The following IGFL4 variants were observed in gnomAD, a reference collection of about 807,000 sequenced individuals.
IGFL4 encodes IGF like family member 4.
Under a neutral mutation model 15.4 loss-of-function variants are expected in IGFL4, and 12 were observed. The ratio of observed to expected loss-of-function variants is 0.78; its 90% CI spans 0.50 to 1.26. The LOEUF is 1.26. IGFL4 is among the 50% of genes most tolerant of loss of function. The pLI is 0.00. For synonymous variants in IGFL4, 54 were observed against 55.9 expected (o/e 0.97, Z 0.16); for missense variants, 126 against 147.8 (o/e 0.85, Z 0.76).
In IGFL4 at chr19:46,040,394, C is replaced by A. The variant is rs760934705; in HGVS notation, c.93G>T (p.Gln31His). 1 of 1,614,206 alleles carries A rather than the reference C, an allele frequency of 6.2e-7. No individual in the cohort carries two copies. Among genetic ancestry groups the A allele is most frequent in the Non-Finnish European group, 8.5e-7 (1 of 1,180,034 alleles). The change falls in exon 3 of 4, where the codon CAG (glutamine) becomes CAT (histidine). Residue 31 changes from glutamine (Q) to histidine (H), a missense_variant. Transcript: ENST00000377697. This position sits in a 1 kb window ranked among gnomAD's most constrained non-coding sequence, Gnocchi z 4.1. ...GVTDLRLWLC[Q>H]PAPRCGEWTY... ...TCCACTCCCCGCACCTGGGCGCTGG[C>A]TGGCATAGCCACAGTCTAAGATCTG...
Position 46,040,339 on chromosome 19 carries a change from C to A in IGFL4, c.148G>T (p.Asp50Tyr). The change falls in exon 3 of 4, where the codon GAC (aspartate) becomes TAC (tyrosine). Residue 50 changes from aspartate to tyrosine, a missense_variant. Transcript: ENST00000377697. The surrounding 1 kb of genome is among the most constrained non-coding windows in gnomAD (Gnocchi z 4.1). ...TYNPLEQCCD[D>Y]GVILDLNQTR... ...TGGTTCAAGTCTAGGATGACACCGT[C>A]ATCACAGCACTGCTCCAAGGGGTTG... 6.2e-7 allele frequency: 1 copy of A among 1,614,182 alleles called. No homozygotes were observed. The highest frequency in any genetic ancestry group is 1.7e-4 in the Middle Eastern group (1 of 6,058).
intron 1 of IGFL4, among the ~76,000 whole-genome samples, chr19:46,069,566 AATAAG>A (rs956275625): frequency 1.3e-4 from 20 of 152,180 alleles, no homozygotes; most frequent in African/African-American, 4.8e-4. Flanking sequence ...CCTTCTTATA[AATAAG>A]ATATCATACA....
At chr19:46,071,195 T>G (rs1471153291) in intron 1 of IGFL4, among the ~76,000 whole-genome samples, 1 of 151,932 alleles carries the variant, frequency 6.6e-6, no homozygotes, top group Non-Finnish European at 1.5e-5. Flanking sequence ...CTCCTCAATG[T>G]GCTTTCCCTC....
chr19:46,067,047 T>G (rs1969501924), intron 1 of IGFL4, among the ~76,000 whole-genome samples: 1 of 152,060 alleles, frequency 6.6e-6, no homozygotes, highest in South Asian at 2.1e-4. Context: ...CTTGCTGTGG[T>G]CAATAAAAGA....
rs1165520326 is a variant in IGFL4 at position 46,039,906 on chromosome 19, A to G, written c.361T>C (p.Ser121Pro). Reference protein sequence around the residue: ...EYHPKSPVSRSDLI With the variant: ...EYHPKSPVSRPDLI Reference sequence around the variant, plus strand: ...CCCAGAACAGTCTAGATGAGGTCAGATCTTGACACAGGGCTTTTTGGGTGG... The same window carrying G: ...CCCAGAACAGTCTAGATGAGGTCAGGTCTTGACACAGGGCTTTTTGGGTGG... Residue 121 changes from serine (S) to proline (P), a missense_variant, in exon 4 of 4, where the codon TCT becomes CCT. Physicochemically the swap from Ser to Pro is moderately conservative, Grantham distance 74. Coordinates refer to ENST00000377697, the MANE Select transcript of IGFL4 (RefSeq NM_001002923.3). 5.6e-6 allele frequency: 9 copies of G among 1,613,106 alleles called. No individual in the cohort carries two copies. Among genetic ancestry groups the G allele is most frequent in the Non-Finnish European group, 7.6e-6 (9 of 1,179,048 alleles).
At chr19:46,046,637 C>G (rs1600670205) in intron 2 of IGFL4, among the ~76,000 whole-genome samples, 1 of 152,056 alleles carries the variant, frequency 6.6e-6, no homozygotes, top group Admixed American at 6.6e-5. Flanking sequence ...GACTTTAAAC[C>G]AACAAAAATC....
chr19:46,043,915 C>A (rs1017650564), upstream of IGFL4, among the ~76,000 whole-genome samples: 1 of 152,102 alleles, frequency 6.6e-6, no homozygotes, highest in African/African-American at 2.4e-5. Flanking sequence ...GATCAGGAAG[C>A]GGGCAAGATG....
intron 1 of IGFL4, among the ~76,000 whole-genome samples, chr19:46,071,535 G>A (rs562901763): frequency 2.0e-5 from 3 of 152,340 alleles, no homozygotes; most frequent in African/African-American, 7.2e-5. Flanking sequence ...ATGGGGAGGT[G>A]TAAGACAAAG....
In IGFL4 at chr19:46,056,325, A is replaced by C. The variant is rs1418346560; in HGVS notation, c.-323+3860T>G. ...TTGTCTAGTGGTTACAACATTAGACATCTCAGATACAGAACATTCTGATCA... is the reference window on the plus strand; with the variant it reads ...TTGTCTAGTGGTTACAACATTAGACCTCTCAGATACAGAACATTCTGATCA... On this transcript the variant is annotated intron_variant, in intron 2 of 5. Coordinates refer to the IGFL4 transcript ENST00000601672. 3.9e-5 allele frequency among the ~76,000 whole-genome samples: 6 copies of C among 152,248 alleles called. 1 individual carries two copies. Among genetic ancestry groups the C allele is most frequent in the South Asian group, 4.1e-4 (2 of 4,832 alleles).
At chr19:46,063,034 T>TCTTGAGAGGGGCCTCCAA (rs1969459458) in intron 1 of IGFL4, 1 of 152,136 alleles carries the variant, frequency 6.6e-6, no homozygotes, top group African/African-American at 2.4e-5. Flanking sequence ...GGGGCCTCCA[T>TCTTGAGAGGGGCCTCCAA]CCTCTTAAGT....
chr19:46,043,530 A>G (rs1969268127), upstream of IGFL4, among the ~76,000 whole-genome samples: 1 of 152,190 alleles, frequency 6.6e-6, no homozygotes, highest in South Asian at 2.1e-4. Context: ...GACTCACACT[A>G]CCCAATTTCA....
chr19:46,050,844 G>T (rs1209187842), intron 2 of IGFL4, among the ~76,000 whole-genome samples: 1 of 152,174 alleles, frequency 6.6e-6, no homozygotes. Context: ...ATCACAAAAA[G>T]ATCATCACCC....
At chr19:46,047,301 A>G (rs1969305378) in intron 2 of IGFL4, among the ~76,000 whole-genome samples, 1 of 152,238 alleles carries the variant, frequency 6.6e-6, no homozygotes, top group Non-Finnish European at 1.5e-5. Flanking sequence ...AGAAAGCTAG[A>G]AAGATCTCAA....
rs1261525417 is a variant in IGFL4 at position 46,040,811 on chromosome 19, T to A, written c.19+133A>T. On this transcript the variant is annotated intron_variant, in intron 1 of 3. Transcript: ENST00000377697. This position sits in a 1 kb window ranked among gnomAD's most constrained non-coding sequence, Gnocchi z 4.1. ...AGACAGATTACAATGCAGTCACAGA[T>A]GACATAGCAGTGATTATGAGGTGGG... is the stretch of plus-strand genomic sequence containing the variant. The A allele has an allele frequency of 1.0e-6, 1 of 973,122 alleles. No individual in the cohort carries two copies. The highest frequency in any genetic ancestry group is 2.6e-5 in the East Asian group (1 of 38,332). 60.3% of individuals were successfully genotyped at this position (973,122 alleles called of 1,614,324 possible).
upstream of IGFL4, chr19:46,041,253 G>T: frequency 2.6e-6 from 1 of 388,704 alleles, no homozygotes. Context: ...TCTGCTGAGT[G>T]TCTTTCTTTG....
At chr19:46,059,088 T>C (rs1969420755) in intron 2 of IGFL4, 1 of 152,244 alleles carries the variant, frequency 6.6e-6, no homozygotes. Flanking sequence ...TGTTGCTATC[T>C]TGGTTTTGGC....
intron 1 of IGFL4, among the ~76,000 whole-genome samples, chr19:46,064,119 A>G (rs947196207): frequency 6.6e-6 from 1 of 151,342 alleles, no homozygotes; most frequent in Non-Finnish European, 1.5e-5. Flanking sequence ...GGAAGTTTAC[A>G]TGCTGATTCT....
In IGFL4 at chr19:46,058,851, A is replaced by C. The variant is rs553157226; in HGVS notation, c.-323+1334T>G. 7 of 152,336 alleles carry C rather than the reference A, an allele frequency of 4.6e-5. No individual in the cohort carries two copies. In the South Asian group the frequency reaches 1.4e-3, roughly 32 times the overall value. The allele number at this position is 152,336 out of a possible 1,614,324, so 9.4% of individuals were successfully genotyped here. ...GCAGGATATCAAGTCCCTAGGCTAC[A>C]CACAGCCAAATCATATCACAAGGGG... On this transcript the variant is annotated intron_variant, in intron 2 of 5. Coordinates refer to the IGFL4 transcript ENST00000601672.
rs1398588212 is a variant in IGFL4 at position 46,039,937 on chromosome 19, C to T, written c.331-1G>A. On this transcript the variant is annotated splice_acceptor_variant, in intron 3 of 3. Coordinates refer to ENST00000377697, the MANE Select transcript of IGFL4 (RefSeq NM_001002923.3). LOFTEE classifies it high-confidence loss of function. ...ACACAGGGCTTTTTGGGTGGTATTC[C>T]TGCAGAAGGAGAGAAGTGGGAGAGG... 3 of 1,612,842 alleles carry T rather than the reference C, an allele frequency of 1.9e-6. No homozygotes were observed. The highest frequency in any genetic ancestry group is 2.5e-6 in the Non-Finnish European group (3 of 1,179,016).
Sources: gnomAD v4.1 joint callset for allele counts (sites outside exome capture counted in the v4.1 genomes callset) on GRCh38, gnomAD v4.1.1 for gene constraint, Gnocchi (gnomAD v3.1) non-coding constraint, MANE v1.5 for transcripts, NCBI Gene and HGNC (gene_info 2026-07-23, HGNC 2026-07-21) for gene names.